Variants in USH2A observed in about 807,000 individuals in gnomAD.
USH2A encodes the protein usherin.
USH2A carries 443 observed loss-of-function variants against 538.9 expected under a neutral mutation model. The observed-to-expected ratio is 0.82, with a 90% CI of 0.76 to 0.89. The LOEUF (loss-of-function observed/expected upper bound fraction) is 0.89. Among genes scored for constraint, USH2A ranks in the 40% least tolerant of loss-of-function variants. The pLI, the probability that USH2A is intolerant of heterozygous loss-of-function variation, is 0.00. For synonymous variants in USH2A, 2,413 were observed against 2,273.5 expected, an observed-to-expected ratio of 1.06 and a Z score of -1.75; for missense variants, 6,633 against 6,324.8, an observed-to-expected ratio of 1.05 and a Z score of -1.65.
At chr1:215,872,823 G>A (rs752311779) in intron 43 of USH2A, among the ~76,000 whole-genome samples, 4 of 151,854 alleles carry the variant, frequency 2.6e-5, no homozygotes, top group South Asian at 4.2e-4. Context: ...TCAGGGGAGA[G>A]CTGGTTGTTT....
chr1:215,905,640 C>T (rs2102474240), intron 38 of USH2A, among the ~76,000 whole-genome samples: 1 of 152,168 alleles, frequency 6.6e-6, no homozygotes, highest in South Asian at 2.1e-4. Flanking sequence ...TTTCAGAGAT[C>T]CCTGGCTTGC....
In USH2A at chr1:215,846,149, T is replaced by C. The variant is rs1663841119; in HGVS notation, c.8846-116A>G. The C allele has an allele frequency of 7.2e-6, 7 of 977,314 alleles. No homozygotes were observed. In the Admixed American group the frequency reaches 1.6e-4, roughly 23 times the overall value. The allele number at this position is 977,314 out of a possible 1,614,324, so 60.5% of individuals were successfully genotyped here. A position where few individuals can be genotyped will look rare whatever the true frequency, so the allele number is the denominator to read the frequency against. On this transcript the variant is annotated intron_variant, in intron 44 of 71. Coordinates refer to ENST00000307340, the MANE Select transcript of USH2A (RefSeq NM_206933.4). ...AAAAGAAGTTTAGAGAGCCTTTGTT[T>C]TGGAAATGTTAAAAAAAGCTTATGA...
intron 3 of USH2A, among the ~76,000 whole-genome samples, chr1:216,374,733 G>T (rs952844275): frequency 6.6e-6 from 1 of 152,030 alleles, no homozygotes; most frequent in South Asian, 2.1e-4. Flanking sequence ...TGCTCAAGTT[G>T]TTCCAGGTTT....
At chr1:216,173,920 C>T in intron 21 of USH2A, 1 of 956,530 alleles carries the variant, frequency 1.0e-6, no homozygotes, top group Non-Finnish European at 1.2e-6. Context: ...TCATGTATTC[C>T]TTTTCCTTAC....
chr1:216,406,929 T>C (rs1412588509), intron 3 of USH2A, among the ~76,000 whole-genome samples: 1 of 152,176 alleles, frequency 6.6e-6, no homozygotes, highest in African/African-American at 2.4e-5. Flanking sequence ...ACATCCATAA[T>C]GTAAACTTTC....
chr1:216,228,811 C>T (rs1440476959), intron 14 of USH2A, among the ~76,000 whole-genome samples: 1 of 152,158 alleles, frequency 6.6e-6, no homozygotes, highest in Non-Finnish European at 1.5e-5. Flanking sequence ...AATCTCACCA[C>T]CCCCATCAAT....
intron 32 of USH2A, among the ~76,000 whole-genome samples, chr1:216,026,543 A>G (rs2102506689): frequency 6.6e-6 from 1 of 152,294 alleles, no homozygotes; most frequent in East Asian, 1.9e-4. Flanking sequence ...GTCTCTGAAC[A>G]TCCTTACCAG....
intron 32 of USH2A, among the ~76,000 whole-genome samples, chr1:216,046,006 G>GGTGTGTGTGTGTGT (rs59426829): frequency 1.2e-3 from 164 of 137,752 alleles, no homozygotes; most frequent in South Asian, 4.2e-3. Flanking sequence ...CTATTTATCT[G>GGTGTGTGTGTGTGT]GTGTGTGTGT....
intron 3 of USH2A, among the ~76,000 whole-genome samples, chr1:216,414,895 C>G (rs746400260): frequency 6.6e-6 from 1 of 152,014 alleles, no homozygotes; most frequent in Admixed American, 6.6e-5. Flanking sequence ...AGTCCCTAAT[C>G]CCCAAATTAA....
At chr1:216,104,457 A>T (rs1558260686) in intron 21 of USH2A, among the ~76,000 whole-genome samples, 1 of 152,112 alleles carries the variant, frequency 6.6e-6, no homozygotes, top group East Asian at 1.9e-4. Context: ...TTCTTAATCC[A>T]GTCTGTCATT....
intron 19 of USH2A, among the ~76,000 whole-genome samples, chr1:216,195,169 C>T (rs2034810664): frequency 6.6e-6 from 1 of 151,988 alleles, no homozygotes; most frequent in Non-Finnish European, 1.5e-5. Context: ...ATTGTCTCAG[C>T]CAAGTCTTGA....
intron 61 of USH2A, among the ~76,000 whole-genome samples, chr1:215,718,937 G>T (rs1659572975): frequency 6.6e-6 from 1 of 152,160 alleles, no homozygotes; most frequent in Admixed American, 6.5e-5. Context: ...TTTTGACAAG[G>T]CTCCACGGGA....
rs2036977330 is a variant in USH2A at position 216,290,308 on chromosome 1, G to C, written c.1841-898C>G. On this transcript the variant is annotated intron_variant, in intron 10 of 71. Transcript: ENST00000307340. ...CTGATAGATATTGGCTATTGAGCTA[G>C]TTAAAAATTAAATTGATTTATAATA... 2.6e-5 allele frequency among the ~76,000 whole-genome samples: 4 copies of C among 152,110 alleles called. No individual in the cohort carries two copies. The South Asian group carries it at 8.3e-4, about 31-fold the overall frequency.
At chr1:216,235,612 G>A (rs1258729802) in intron 13 of USH2A, among the ~76,000 whole-genome samples, 2 of 152,136 alleles carry the variant, frequency 1.3e-5, no homozygotes, top group Non-Finnish European at 2.9e-5. Context: ...AAGGCAGCTG[G>A]TATTATCTCC....
chr1:215,829,692 T>G (rs1178637876), intron 47 of USH2A, among the ~76,000 whole-genome samples: 1 of 152,162 alleles, frequency 6.6e-6, no homozygotes, highest in Admixed American at 6.5e-5. Context: ...GCTAACTGCT[T>G]TGGTGTTGGT....
chr1:215,947,425 C>T (rs1666786466), intron 37 of USH2A, among the ~76,000 whole-genome samples: 1 of 152,162 alleles, frequency 6.6e-6, no homozygotes, highest in African/African-American at 2.4e-5. Flanking sequence ...ATGTAGCTCA[C>T]ATTATATTTC....
At position 216,196,660 on chromosome 1, in the gene USH2A, AG is replaced by A; in HGVS notation, c.4143del (p.Trp1382GlyfsTer50). ...GTAACATTATCTGCTGGCTTCTCCC[AG>A]GAGATATTGAGAGAGTACGAAGAGA... ...FPLSSYSLNI[S>X]WEKPADNVTR... On this transcript the variant is annotated frameshift_variant, in exon 19 of 72. Transcript: ENST00000307340. LOFTEE classifies it high-confidence loss of function. 1.2e-6 allele frequency: 2 copies of A among 1,613,590 alleles called. No homozygotes were observed. The highest frequency in any genetic ancestry group is 1.7e-6 in the Non-Finnish European group (2 of 1,179,698).
chr1:216,178,094 G>C (rs2034426451), intron 20 of USH2A, among the ~76,000 whole-genome samples: 1 of 152,016 alleles, frequency 6.6e-6, no homozygotes, highest in African/African-American at 2.4e-5. Context: ...ATTAGTATTT[G>C]TTACTTTTTA....
At chr1:215,902,529 C>T (rs1429168134) in intron 38 of USH2A, among the ~76,000 whole-genome samples, 1 of 152,096 alleles carries the variant, frequency 6.6e-6, no homozygotes, top group East Asian at 1.9e-4. Flanking sequence ...GTGGAGGGAG[C>T]AGGTGGTAAA....
Sources: gnomAD v4.1 joint callset for allele counts (sites outside exome capture counted in the v4.1 genomes callset) on GRCh38, gnomAD v4.1.1 for gene constraint, MANE v1.5 for transcripts, NCBI Gene and HGNC (gene_info 2026-07-23, HGNC 2026-07-21) for gene names.